Variants in TOR1AIP1 observed in about 807,000 individuals in gnomAD.
TOR1AIP1 encodes torsin 1A interacting protein 1.
Under a neutral mutation model 63.3 loss-of-function variants are expected in TOR1AIP1, and 54 were observed. That is an observed-to-expected ratio of 0.85 (90% CI 0.69 to 1.07). The LOEUF (loss-of-function observed/expected upper bound fraction) is 1.07, where lower values mean the gene tolerates loss of function less well. Ranked by LOEUF, TOR1AIP1 falls within the 50% of genes least tolerant of loss-of-function variation. The probability of loss-of-function intolerance (pLI) is 0.00; values close to 1 mark genes in which losing one functional copy is unlikely to be tolerated. For synonymous variants in TOR1AIP1, 294 were observed against 273.5 expected, an observed-to-expected ratio of 1.07 and a Z score of -0.74; for missense variants, 736 against 715.0, an observed-to-expected ratio of 1.03 and a Z score of -0.33.
intron 3 of TOR1AIP1, among the ~76,000 whole-genome samples, chr1:179,898,238 C>A (rs916043894): frequency 7.9e-5 from 12 of 152,136 alleles, no homozygotes; most frequent in Middle Eastern, 3.4e-3. Context: ...AGACCTATAC[C>A]CTTAGACAAG....
intron 9 of TOR1AIP1, among the ~76,000 whole-genome samples, chr1:179,915,478 G>C (rs556125790): frequency 6.6e-6 from 1 of 152,368 alleles, no homozygotes; most frequent in African/African-American, 2.4e-5. Flanking sequence ...GTTAAAGGGT[G>C]GGGTTCGTGG....
rs768072582 is a variant in TOR1AIP1, at chr1:179,917,933, G to C, written c.1446G>C (p.Glu482Asp). ...ATGCAGCTGTGGTACACCGCTTTGA[G>C]TCATTTCCCGCAGGCTCTACTTTGA... is the stretch of plus-strand genomic sequence containing the variant. ...GQNAAVVHRF[E>D]SFPAGSTLIF... Residue 482 changes from glutamate (E) to aspartate (D), a missense_variant, in exon 10 of 10, where the codon GAG becomes GAC. Transcript: ENST00000606911. The C allele has an allele frequency of 6.2e-7, 1 of 1,614,222 alleles. No individual in the cohort carries two copies. The highest frequency in any genetic ancestry group is 1.7e-5 in the Admixed American group (1 of 60,026).
chr1:179,914,132 C>A, intron 9 of TOR1AIP1, 78 bp downstream of exon 9: 1 of 1,271,910 alleles, frequency 7.9e-7, no homozygotes, highest in Non-Finnish European at 1.1e-6. Flanking sequence ...TGTTTTTTGA[C>A]AGCAGTATGA....
rs1264229754 is a variant in TOR1AIP1 at position 179,883,089 on chromosome 1, A to G, written c.475+112A>G. On this transcript the variant is annotated intron_variant, in intron 1 of 9. Coordinates refer to ENST00000606911, the MANE Select transcript of TOR1AIP1 (RefSeq NM_015602.4). ...TGGGTACTAAGTACTGGGATTGGCT[A>G]AAGGGTATTCCTCAGCCCCCTCTGG... 4.1e-6 allele frequency: 4 copies of G among 987,080 alleles called. No individual in the cohort carries two copies. The South Asian group carries it at 4.6e-5, about 11-fold the overall frequency. 61.1% of individuals were successfully genotyped at this position (987,080 alleles called of 1,614,324 possible).
chr1:179,889,694 A>T (rs776246368), intron 3 of TOR1AIP1, among the ~76,000 whole-genome samples: 21 of 149,204 alleles, frequency 1.4e-4, no homozygotes, highest in Non-Finnish European at 2.7e-4. Flanking sequence ...TCGCTCTGTC[A>T]TCCAGGCTGG....
rs1168322185 is a variant in TOR1AIP1, at chr1:179,917,483, T to G, written c.996T>G (p.Phe332Leu). 2 of 1,613,118 alleles carry G rather than the reference T, an allele frequency of 1.2e-6. No homozygotes were observed. The highest frequency in any genetic ancestry group is 4.5e-5 in the East Asian group (2 of 44,884). Residue 332 changes from phenylalanine (F) to leucine (L), a missense_variant, in exon 10 of 10, where the codon TTT (phenylalanine) becomes TTG (leucine). Physicochemically the swap from Phe to Leu is conservative, Grantham distance 22 (BLOSUM62 0). Around this residue, in one of 2 missense-constraint regions of TOR1AIP1, gnomAD observed 272 missense variants for 344.1 expected, o/e 0.79. Transcript: ENST00000606911. ...CTGGACAACCCCAAAATGCATCTTT[T>G]GTCAAGAGGAACCGGTGGTGGCTAC... ...QVTGQPQNAS[F>L]VKRNRWWLLP...
rs755987722 is a variant in TOR1AIP1 at position 179,889,349 on chromosome 1, C to G, written c.590C>G (p.Pro197Arg). Residue 197 changes from proline (P) to arginine (R), a missense_variant, in exon 3 of 10, where the codon CCT becomes CGT. Coordinates refer to ENST00000606911, the MANE Select transcript of TOR1AIP1 (RefSeq NM_015602.4). ...EDLVIRLRRP[P>R]LRYPRYEATS... Reference sequence around the variant, plus strand: ...CTTGTAATCAGGTTACGTCGACCCCCTCTAAGATACCCAAGATATGGTAAG... The same window carrying G: ...CTTGTAATCAGGTTACGTCGACCCCGTCTAAGATACCCAAGATATGGTAAG... 1 of 1,606,882 alleles carries G rather than the reference C, an allele frequency of 6.2e-7. No individual in the cohort carries two copies. Among genetic ancestry groups the G allele is most frequent in the Admixed American group, 1.7e-5 (1 of 59,942 alleles).
intron 3 of TOR1AIP1, among the ~76,000 whole-genome samples, chr1:179,896,700 G>A (rs1019971472): frequency 6.6e-6 from 1 of 152,138 alleles, no homozygotes; most frequent in Non-Finnish European, 1.5e-5. Context: ...AATGAGGACG[G>A]AGACTTGCAA....
intron 8 of TOR1AIP1, among the ~76,000 whole-genome samples, chr1:179,913,227 T>C (rs988360787): frequency 6.6e-6 from 1 of 151,974 alleles, no homozygotes; most frequent in Non-Finnish European, 1.5e-5. Context: ...GCCTCTTGAT[T>C]TGTCGGAATT....
At chr1:179,887,313 C>T (rs148322052) in intron 2 of TOR1AIP1, among the ~76,000 whole-genome samples, 5,441 of 152,072 alleles carry the variant, frequency 0.036, 138 homozygotes, top group East Asian at 0.094. Context: ...GCAGGAGAAT[C>T]GCTTGAACGC....
intron 5 of TOR1AIP1, among the ~76,000 whole-genome samples, chr1:179,903,111 T>C (rs1648518655): frequency 6.6e-6 from 1 of 152,096 alleles, no homozygotes; most frequent in Admixed American, 6.6e-5. Flanking sequence ...ATTCTACTTT[T>C]ATTTGGGAAA....
chr1:179,896,183 C>T (rs988749165), intron 3 of TOR1AIP1, among the ~76,000 whole-genome samples: 3 of 152,202 alleles, frequency 2.0e-5, no homozygotes, highest in South Asian at 2.1e-4. Context: ...TGCTAAGTAA[C>T]GTTAATCATA....
chr1:179,900,292 C>T, intron 4 of TOR1AIP1, 125 bp downstream of exon 4: 2 of 595,440 alleles, frequency 3.4e-6, no homozygotes, highest in South Asian at 2.0e-5. Flanking sequence ...CCTGTAGTCT[C>T]AGCTACTCGG....
intron 2 of TOR1AIP1, among the ~76,000 whole-genome samples, chr1:179,889,084 C>T (rs1165792629): frequency 6.6e-6 from 1 of 152,118 alleles, no homozygotes; most frequent in Non-Finnish European, 1.5e-5. Context: ...AGAAAAAATG[C>T]AAATTTCTCC....
chr1:179,897,651 A>G (rs1648328271), intron 3 of TOR1AIP1, among the ~76,000 whole-genome samples: 3 of 152,246 alleles, frequency 2.0e-5, no homozygotes, highest in African/African-American at 7.2e-5. Context: ...TTTGTCTACC[A>G]TATAATTTTT....
chr1:179,914,802 A>G (rs1291850460), intron 9 of TOR1AIP1, among the ~76,000 whole-genome samples: 1 of 152,058 alleles, frequency 6.6e-6, no homozygotes, highest in East Asian at 1.9e-4. Context: ...CAAAAAAAAA[A>G]AAAAAAGAAA....
At chr1:179,912,879 T>A (rs1648883579) in intron 8 of TOR1AIP1, among the ~76,000 whole-genome samples, 1 of 152,194 alleles carries the variant, frequency 6.6e-6, no homozygotes, top group African/African-American at 2.4e-5. Context: ...AAATGAAAGT[T>A]GTTGATATAA....
rs964940508 is a variant in TOR1AIP1, at chr1:179,891,518, C to T, written c.610+2149C>T. 5.9e-5 allele frequency among the ~76,000 whole-genome samples: 9 copies of T among 151,758 alleles called. 1 individual carries two copies. Among genetic ancestry groups the T allele is most frequent in the Admixed American group, 2.6e-4 (4 of 15,196 alleles). On this transcript the variant is annotated intron_variant, in intron 3 of 9. Transcript: ENST00000606911. ...GATTACAGGCATGAGCCACCACGCCCGGCCTTTCTCCTTGATTTTTATTTT... is the reference window on the plus strand; with the variant it reads ...GATTACAGGCATGAGCCACCACGCCTGGCCTTTCTCCTTGATTTTTATTTT...
intron 5 of TOR1AIP1, 53 bp from the exon 6 acceptor site, chr1:179,903,913 G>A (rs1389529033): frequency 8.7e-6 from 11 of 1,258,974 alleles, no homozygotes; most frequent in Non-Finnish European, 1.2e-5. Context: ...CTTGTAAAAT[G>A]TACAGTCTAA....
Sources: gnomAD v4.1 joint callset for allele counts (sites outside exome capture counted in the v4.1 genomes callset) on GRCh38, gnomAD v4.1.1 for gene constraint, gnomAD v4.1.1 regional missense constraint, MANE v1.5 for transcripts, NCBI Gene and HGNC (gene_info 2026-07-23, HGNC 2026-07-21) for gene names.